Variants in MRTFA observed in about 807,000 individuals in gnomAD.
The protein encoded by MRTFA is myocardin-related transcription factor A.
A neutral mutation model predicts 83.5 loss-of-function variants in MRTFA; 20 were observed. That is an observed-to-expected ratio of 0.24 (90% CI 0.17 to 0.35). The LOEUF (loss-of-function observed/expected upper bound fraction) is 0.35. Ranked by LOEUF, MRTFA falls within the 10% of genes least tolerant of loss-of-function variation. The pLI is 1.00. For missense variants in MRTFA, 1,200 were observed against 1,224.7 expected (o/e 0.98, Z 0.30); for synonymous variants, 659 against 541.2 (o/e 1.22, Z -3.02).
At chr22:40,475,574 A>C (rs2053980512) in intron 3 of MRTFA, among the ~76,000 whole-genome samples, 1 of 152,166 alleles carries the variant, frequency 6.6e-6, no homozygotes, top group Non-Finnish European at 1.5e-5. Flanking sequence ...TTTAAGAAAG[A>C]CACTAACATC....
At chr22:40,624,180 T>G (rs2056554275) in intron 1 of MRTFA, among the ~76,000 whole-genome samples, 1 of 152,068 alleles carries the variant, frequency 6.6e-6, no homozygotes, top group Non-Finnish European at 1.5e-5. Flanking sequence ...TCCCAGCACT[T>G]TGGGAGGCCG....
intron 3 of MRTFA, among the ~76,000 whole-genome samples, chr22:40,493,756 G>C (rs558032428): frequency 1.4e-4 from 22 of 152,162 alleles, no homozygotes; most frequent in Admixed American, 4.6e-4. Flanking sequence ...AAAACAGTTT[G>C]GGAGTTTCTT....
intron 2 of MRTFA, among the ~76,000 whole-genome samples, chr22:40,594,173 CAG>C (rs2056159133): frequency 6.6e-6 from 1 of 152,204 alleles, no homozygotes; most frequent in African/African-American, 2.4e-5. Context: ...ATCCTGTCAT[CAG>C]TAACAAAATT....
chr22:40,470,348 A>G (rs2053888410), intron 3 of MRTFA, among the ~76,000 whole-genome samples: 1 of 144,742 alleles, frequency 6.9e-6, no homozygotes, highest in Non-Finnish European at 1.5e-5. Context: ...TAAAGAGCAC[A>G]CCCTTAAACA....
intron 3 of MRTFA, among the ~76,000 whole-genome samples, chr22:40,524,111 T>A (rs1453738832): frequency 1.3e-5 from 2 of 152,100 alleles, no homozygotes; most frequent in African/African-American, 4.8e-5. Flanking sequence ...CTGGGCAACA[T>A]AGTGAAAACC....
At chr22:40,563,914 T>G (rs1273202817) in intron 2 of MRTFA, among the ~76,000 whole-genome samples, 1 of 152,056 alleles carries the variant, frequency 6.6e-6, no homozygotes, top group African/African-American at 2.4e-5. Context: ...AAAAGAAATA[T>G]GCGGTTGTGG....
At chr22:40,610,041 C>CTTTTTTT in intron 1 of MRTFA, among the ~76,000 whole-genome samples, 3 of 143,442 alleles carry the variant, frequency 2.1e-5, no homozygotes, top group Non-Finnish European at 3.1e-5. Flanking sequence ...TCTTTTTTTT[C>CTTTTTTT]TCTTTTTTTT....
intron 5 of MRTFA, 136 bp from the exon 6 acceptor site, chr22:40,431,616 C>T: frequency 2.5e-6 from 2 of 814,480 alleles, no homozygotes; most frequent in African/African-American, 1.7e-5. Context: ...TTGGTGACTG[C>T]AGGGTTCGGA....
chr22:40,525,939 A>G (rs900952511), intron 3 of MRTFA, among the ~76,000 whole-genome samples: 1 of 152,202 alleles, frequency 6.6e-6, no homozygotes, highest in Admixed American at 6.5e-5. Flanking sequence ...TATTCTGCAA[A>G]TAAGTGGTAT....
chr22:40,474,378 A>G (rs1190422329), intron 3 of MRTFA, among the ~76,000 whole-genome samples: 1 of 152,248 alleles, frequency 6.6e-6, no homozygotes, highest in East Asian at 1.9e-4. Flanking sequence ...ATTGCTCTTT[A>G]TATTAATATA....
At chr22:40,596,715 A>G (rs2056197023) in intron 1 of MRTFA, among the ~76,000 whole-genome samples, 1 of 152,156 alleles carries the variant, frequency 6.6e-6, no homozygotes, top group South Asian at 2.1e-4. Flanking sequence ...ATGACGCACA[A>G]GAATCCTTGA....
At chr22:40,603,740 T>A (rs1460536878) in intron 1 of MRTFA, among the ~76,000 whole-genome samples, 2 of 151,868 alleles carry the variant, frequency 1.3e-5, no homozygotes, top group African/African-American at 2.4e-5. Flanking sequence ...TAAACAAGAT[T>A]GGTCACATGT....
chr22:40,478,655 A>G (rs1228681666), intron 3 of MRTFA, among the ~76,000 whole-genome samples: 1 of 152,108 alleles, frequency 6.6e-6, no homozygotes, highest in Non-Finnish European at 1.5e-5. Flanking sequence ...TCAAGTATTT[A>G]CCCCAGACAA....
chr22:40,627,140 CCTTT>C (rs1371372815), intron 1 of MRTFA, among the ~76,000 whole-genome samples: 1 of 151,930 alleles, frequency 6.6e-6, no homozygotes, highest in Non-Finnish European at 1.5e-5. Context: ...TTACAGTATG[CCTTT>C]ATTTGGTAAT....
intron 2 of MRTFA, chr22:40,587,289 G>A (rs2056045425): frequency 2.1e-6 from 1 of 484,596 alleles, no homozygotes; most frequent in Admixed American, 2.3e-5. Context: ...TGCCCATCAG[G>A]AGCAAGTTTC....
chr22:40,462,521 T>C (rs1434499726), intron 4 of MRTFA, among the ~76,000 whole-genome samples: 2 of 152,224 alleles, frequency 1.3e-5, no homozygotes, highest in African/African-American at 2.4e-5. Flanking sequence ...TGTTCTCTGC[T>C]GATGATTTAA....
chr22:40,451,649 G>A (rs966036220), intron 4 of MRTFA, among the ~76,000 whole-genome samples: 10 of 152,266 alleles, frequency 6.6e-5, no homozygotes, highest in African/African-American at 1.4e-4. Flanking sequence ...CATTTAGCAC[G>A]AGTATCGACA....
chr22:40,514,413 T>C (rs1028336099), intron 3 of MRTFA, among the ~76,000 whole-genome samples: 2 of 151,696 alleles, frequency 1.3e-5, no homozygotes, highest in African/African-American at 4.8e-5. Context: ...TCATGTTTCT[T>C]AAAATGAATG....
intron 1 of MRTFA, among the ~76,000 whole-genome samples, chr22:40,606,658 G>A (rs1453515077): frequency 6.6e-6 from 1 of 152,184 alleles, no homozygotes; most frequent in Admixed American, 6.5e-5. Context: ...GTGTGCATGT[G>A]TATATGCTTC....
Sources: allele counts gnomAD v4.1 joint callset (sites outside exome capture counted in the v4.1 genomes callset), GRCh38; gene constraint gnomAD v4.1.1; transcripts MANE v1.5; gene names NCBI Gene and HGNC (gene_info 2026-07-23, HGNC 2026-07-21).